The following TBC1D2 variants were observed in gnomAD, a reference collection of about 807,000 sequenced individuals.
TBC1D2 encodes the protein TBC1 domain family member 2.
TBC1D2 carries 58 observed loss-of-function variants against 91.1 expected under a neutral mutation model. The observed-to-expected ratio is 0.64, with a 90% CI of 0.52 to 0.79. The LOEUF is 0.79. TBC1D2 is among the 30% of genes least tolerant of loss of function. The probability of loss-of-function intolerance (pLI) is 0.00; values close to 1 mark genes in which losing one functional copy is unlikely to be tolerated. For missense variants in TBC1D2, 1,080 were observed against 1,208.3 expected, an observed-to-expected ratio of 0.89 and a Z score of 1.57; for synonymous variants, 482 against 511.5, an observed-to-expected ratio of 0.94 and a Z score of 0.78.
intron 7 of TBC1D2, among the ~76,000 whole-genome samples, chr9:98,211,542 T>C (rs1298496594): frequency 1.3e-5 from 2 of 152,204 alleles, no homozygotes; most frequent in Non-Finnish European, 2.9e-5. Context: ...TTTTCCATTT[T>C]TGTGAGATGG....
At position 98,221,042 on chromosome 9, in the gene TBC1D2, T is replaced by A; in HGVS notation, c.1165A>T (p.Thr389Ser). The change falls in exon 6 of 13, where the codon ACA becomes TCA. Residue 389 changes from threonine to serine, a missense_variant. Transcript: ENST00000465784. ...LEQERESLAH[T>S]ASLREQQVQE... ...ACCTGCTGCTCCCGCAGGCTCGCTG[T>A]GTGCGCCAGGCTCTCCCGCTCCTGC... 1 of 1,613,566 alleles carries A rather than the reference T, an allele frequency of 6.2e-7. No homozygotes were observed. The highest frequency in any genetic ancestry group is 8.5e-7 in the Non-Finnish European group (1 of 1,179,922).
intron 12 of TBC1D2, 58 bp downstream of exon 12, chr9:98,200,195 C>G (rs979411180): frequency 3.4e-5 from 54 of 1,604,044 alleles, no homozygotes; most frequent in Middle Eastern, 3.5e-4. Context: ...CTCCCCTCTG[C>G]TATGTGTCCT....
chr9:98,246,480 CCCTT>C (rs1829766603), intron 2 of TBC1D2, among the ~76,000 whole-genome samples: 3 of 152,200 alleles, frequency 2.0e-5, no homozygotes, highest in African/African-American at 7.2e-5. Flanking sequence ...TTGAGGCCCT[CCCTT>C]CCATGAATCC....
chr9:98,215,768 A>C (rs1828955330), intron 6 of TBC1D2, among the ~76,000 whole-genome samples: 1 of 152,182 alleles, frequency 6.6e-6, no homozygotes, highest in Non-Finnish European at 1.5e-5. Flanking sequence ...GGCCTCCTAA[A>C]GTGTTAGGAT....
intron 5 of TBC1D2, among the ~76,000 whole-genome samples, chr9:98,221,540 T>C (rs1431919563): frequency 6.6e-6 from 1 of 152,180 alleles, no homozygotes; most frequent in African/African-American, 2.4e-5. Context: ...AACCACTAGA[T>C]ACACGCTCCT....
chr9:98,237,316 T>C (rs1045661226), intron 3 of TBC1D2, among the ~76,000 whole-genome samples: 3 of 146,830 alleles, frequency 2.0e-5, no homozygotes, highest in East Asian at 4.1e-4. Context: ...CACTGCACTC[T>C]AGTCTGGGTG....
chr9:98,223,981 C>T (rs571330827), intron 5 of TBC1D2, among the ~76,000 whole-genome samples: 9 of 152,140 alleles, frequency 5.9e-5, no homozygotes, highest in East Asian at 1.9e-4. Context: ...GGTCGGATCA[C>T]GAGGTCAGGA....
chr9:98,212,974 G>A lies in TBC1D2; in HGVS notation c.1485+134C>T, dbSNP rs1173762537. On this transcript the variant is annotated intron_variant, in intron 7 of 12. Coordinates refer to ENST00000465784, the MANE Select transcript of TBC1D2 (RefSeq NM_001267571.2). ...GGGTCTGGAGAAGAACCTGATATGG[G>A]CCCTGCTCACAAGGGGTCAGTTCAG... The A allele has an allele frequency of 3.3e-6, 3 of 915,794 alleles. No individual in the cohort carries two copies. The East Asian group carries it at 7.8e-5, about 24-fold the overall frequency. The allele number at this position is 915,794 out of a possible 1,614,324, so 56.7% of individuals were successfully genotyped here.
chr9:98,202,057 G>C (rs1326551446), intron 10 of TBC1D2, among the ~76,000 whole-genome samples: 5 of 152,188 alleles, frequency 3.3e-5, no homozygotes, highest in African/African-American at 1.2e-4. Context: ...TGGAAGCTTT[G>C]TCTCTAGGCT....
intron 2 of TBC1D2, among the ~76,000 whole-genome samples, chr9:98,247,727 T>C (rs1363483122): frequency 2.4e-5 from 1 of 41,184 alleles, no homozygotes; most frequent in South Asian, 7.2e-4. Context: ...AGACTCCGTC[T>C]CAAAAAAAAA....
At chr9:98,231,249 G>A (rs1356639979) in intron 4 of TBC1D2, among the ~76,000 whole-genome samples, 1 of 142,512 alleles carries the variant, frequency 7.0e-6, no homozygotes, top group African/African-American at 2.7e-5. Flanking sequence ...CAGAGGAGGA[G>A]TCCAGACTCC....
chr9:98,208,862 G>A lies in TBC1D2; in HGVS notation c.1956C>T (p.Tyr652=). The change falls in exon 9 of 13, where the codon TAC becomes TAT. Residue 652 remains tyrosine, a synonymous_variant. Coordinates refer to ENST00000465784, the MANE Select transcript of TBC1D2 (RefSeq NM_001267571.2). ...RVQHLHTPGC[Y]QELLSRGQAR... is the part of the protein sequence containing the mutation. Reference sequence around the variant, plus strand: ...CCTGGCCCCGGCTCAGCAGTTCCTGGTAGCAGCCTGGAGTGTGCAGGTGCT... The same window carrying A: ...CCTGGCCCCGGCTCAGCAGTTCCTGATAGCAGCCTGGAGTGTGCAGGTGCT... The A allele has an allele frequency of 1.2e-6, 2 of 1,613,358 alleles. No homozygotes were observed. Among genetic ancestry groups the A allele is most frequent in the Non-Finnish European group, 1.7e-6 (2 of 1,179,386 alleles).
chr9:98,225,714 G>A (rs1295544156), intron 5 of TBC1D2, among the ~76,000 whole-genome samples: 1 of 152,204 alleles, frequency 6.6e-6, no homozygotes, highest in Admixed American at 6.5e-5. Flanking sequence ...ACATGGGAAG[G>A]CTCAGCACAG....
At chr9:98,231,401 T>A (rs1189528063) in intron 4 of TBC1D2, among the ~76,000 whole-genome samples, 1 of 150,092 alleles carries the variant, frequency 6.7e-6, no homozygotes, top group African/African-American at 2.4e-5. Flanking sequence ...TTTATTGACA[T>A]AAAAATAATC....
Position 98,255,618 on chromosome 9 carries a change from A to G in TBC1D2, c.-77T>C. 4 of 1,406,594 alleles carry G rather than the reference A, an allele frequency of 2.8e-6. No homozygotes were observed. The highest frequency in any genetic ancestry group is 1.6e-5 in the South Asian group (1 of 61,210). The allele number at this position is 1,406,594 out of a possible 1,614,324, so 87.1% of individuals were successfully genotyped here. The stretch of plus-strand genomic sequence containing the variant: ...GACAAATCTCGGAGACTCGGCGGGC[A>G]GCTTCCCAAAGGGAGACACCTGGGC... On this transcript the variant is annotated 5_prime_UTR_variant, in exon 1 of 13. Coordinates refer to ENST00000465784, the MANE Select transcript of TBC1D2 (RefSeq NM_001267571.2).
chr9:98,251,949 G>A (rs374714117), intron 1 of TBC1D2, 23 bp from the exon 2 acceptor site: 2 of 1,589,054 alleles, frequency 1.3e-6, no homozygotes, highest in Non-Finnish European at 8.5e-7. Flanking sequence ...AGGATTAGTT[G>A]GCAAGGCCCT....
At chr9:98,226,083 C>A (rs942816117) in intron 5 of TBC1D2, among the ~76,000 whole-genome samples, 1 of 152,204 alleles carries the variant, frequency 6.6e-6, no homozygotes, top group Non-Finnish European at 1.5e-5. Flanking sequence ...GCTCTCCTAG[C>A]GGCATTCTGA....
chr9:98,250,212 C>T (rs1434190014), intron 2 of TBC1D2, among the ~76,000 whole-genome samples: 1 of 152,182 alleles, frequency 6.6e-6, no homozygotes, highest in African/African-American at 2.4e-5. Context: ...AGAGCAGAGA[C>T]TCTGCCGAAG....
rs78603381 is a variant in TBC1D2 at position 98,225,085 on chromosome 9, C to T, written c.979-3857G>A. 5.1e-4 allele frequency among the ~76,000 whole-genome samples: 77 copies of T among 152,320 alleles called. 2 individuals carry two copies. The East Asian group carries it at 0.014, about 27-fold the overall frequency. ...CCCCACTGAGTTTCCTAAAAAATTA[C>T]GTTCCTTTACCCAGTAATCCTGATT... On this transcript the variant is annotated intron_variant, in intron 5 of 12. Transcript: ENST00000465784.
Sources: gnomAD v4.1 joint callset for allele counts (sites outside exome capture counted in the v4.1 genomes callset) on GRCh38, gnomAD v4.1.1 for gene constraint, MANE v1.5 for transcripts, NCBI Gene and HGNC (gene_info 2026-07-23, HGNC 2026-07-21) for gene names.